Variants in USP25 observed in about 807,000 individuals in gnomAD.
USP25 encodes ubiquitin specific peptidase 25, also known as ubiquitin carboxyl-terminal hydrolase 25.
A neutral mutation model predicts 158.5 loss-of-function variants in USP25; 85 were observed. That is an observed-to-expected ratio of 0.54 (90% confidence interval 0.45 to 0.64). USP25 has a LOEUF of 0.64. USP25 is among the 30% of genes least tolerant of loss of function. USP25 has a pLI of 0.00. For missense variants in USP25, 1,242 were observed against 1,327.3 expected (o/e 0.94, Z 1.00); for synonymous variants, 464 against 460.4 (o/e 1.01, Z -0.10).
intron 4 of USP25, among the ~76,000 whole-genome samples, chr21:15,788,377 T>C (rs1356189327): frequency 6.6e-6 from 1 of 151,968 alleles, no homozygotes; most frequent in Non-Finnish European, 1.5e-5. Flanking sequence ...GAGCTAGAGA[T>C]TGGCTTTTGC....
At chr21:15,757,103 G>A (rs1047088035) in intron 1 of USP25, among the ~76,000 whole-genome samples, 1 of 152,046 alleles carries the variant, frequency 6.6e-6, no homozygotes, top group South Asian at 2.1e-4. Context: ...CAACAGAAAT[G>A]GCAACAAAAC....
At chr21:15,831,964 A>AAGGTGG (rs2037826225) in intron 16 of USP25, among the ~76,000 whole-genome samples, 2 of 152,072 alleles carry the variant, frequency 1.3e-5, no homozygotes, top group Non-Finnish European at 2.9e-5. Context: ...TTATCTCCCC[A>AAGGTGG]CCTTCATTGA....
chr21:15,734,868 C>T (rs1273181740), intron 1 of USP25, among the ~76,000 whole-genome samples: 6 of 152,100 alleles, frequency 3.9e-5, no homozygotes, highest in African/African-American at 1.4e-4. Context: ...TTTGTACATA[C>T]GATATATGAA....
At chr21:15,748,530 T>C (rs1378738907) in intron 1 of USP25, among the ~76,000 whole-genome samples, 2 of 146,220 alleles carry the variant, frequency 1.4e-5, no homozygotes, top group Non-Finnish European at 3.0e-5. Flanking sequence ...GAATTCCTGG[T>C]GTTAAGCAAA....
At chr21:15,812,111 TTA>T (rs1317646147) in intron 9 of USP25, among the ~76,000 whole-genome samples, 1 of 150,766 alleles carries the variant, frequency 6.6e-6, no homozygotes. Context: ...ATAAGTTGTT[TTA>T]TATATATATG....
At chr21:15,733,318 A>G (rs762909162) in intron 1 of USP25, among the ~76,000 whole-genome samples, 1 of 152,162 alleles carries the variant, frequency 6.6e-6, no homozygotes, top group Non-Finnish European at 1.5e-5. Context: ...TCTAGGGCTT[A>G]GAACAGTTCT....
At chr21:15,870,908 T>C (rs1045376668) in intron 23 of USP25, among the ~76,000 whole-genome samples, 2 of 152,230 alleles carry the variant, frequency 1.3e-5, no homozygotes, top group Non-Finnish European at 2.9e-5. Flanking sequence ...AGCTATGCTG[T>C]CCAACATAGC....
chr21:15,791,352 A>G lies in USP25; in HGVS notation c.393-150A>G, dbSNP rs969545945. ...CTATGTATTAGCATTGACACTGCTA[A>G]AACGTGTATTTGAGTAAAGTTAGTA... On this transcript the variant is annotated intron_variant, in intron 4 of 25. Transcript: ENST00000400183. 4 of 868,234 alleles carry G rather than the reference A, an allele frequency of 4.6e-6. No homozygotes were observed. The African/African-American group carries it at 7.0e-5, about 15-fold the overall frequency. 53.8% of individuals were successfully genotyped at this position (868,234 alleles called of 1,614,324 possible).
intron 20 of USP25, among the ~76,000 whole-genome samples, chr21:15,853,159 T>A (rs2038965631): frequency 1.3e-5 from 2 of 152,176 alleles, no homozygotes; most frequent in African/African-American, 2.4e-5. Context: ...AGACTTAAAA[T>A]TTTTTTAATG....
intron 22 of USP25, among the ~76,000 whole-genome samples, chr21:15,869,627 T>A (rs1328406557): frequency 6.6e-6 from 1 of 152,194 alleles, no homozygotes; most frequent in Non-Finnish European, 1.5e-5. Flanking sequence ...GTTAAATAAA[T>A]CTAACTTTTT....
intron 15 of USP25, 48 bp from the exon 16 acceptor site, chr21:15,831,353 T>C (rs369242340): frequency 1.0e-4 from 159 of 1,550,482 alleles, no homozygotes; most frequent in Non-Finnish European, 1.1e-4. Flanking sequence ...ATGTGGTATA[T>C]AGTAAACTAC....
intron 1 of USP25, among the ~76,000 whole-genome samples, chr21:15,737,654 C>T (rs1042736470): frequency 7.2e-5 from 11 of 151,758 alleles, no homozygotes; most frequent in Admixed American, 1.3e-4. Flanking sequence ...AGAAGGTAGT[C>T]GTCTGTATTT....
At chr21:15,737,396 A>G (rs796795140) in intron 1 of USP25, among the ~76,000 whole-genome samples, 4 of 152,202 alleles carry the variant, frequency 2.6e-5, no homozygotes, top group African/African-American at 9.6e-5. Flanking sequence ...ATTTTCATTT[A>G]TTTGTTAAAT....
intron 9 of USP25, among the ~76,000 whole-genome samples, chr21:15,812,101 A>G (rs1355910110): frequency 6.6e-6 from 1 of 151,178 alleles, no homozygotes; most frequent in Non-Finnish European, 1.5e-5. Context: ...CAACTTATAT[A>G]TAAGTTGTTT....
intron 1 of USP25, among the ~76,000 whole-genome samples, chr21:15,760,717 A>G (rs1236574165): frequency 6.6e-6 from 1 of 152,228 alleles, no homozygotes; most frequent in African/African-American, 2.4e-5. Flanking sequence ...GAAATTTCAA[A>G]TTTAAAGTTG....
chr21:15,764,046 T>C (rs2123413427), intron 2 of USP25, among the ~76,000 whole-genome samples: 1 of 152,268 alleles, frequency 6.6e-6, no homozygotes, highest in Admixed American at 6.5e-5. Flanking sequence ...TGCTTCACCT[T>C]ATTCCCCCAT....
At chr21:15,856,397 G>C (rs1376787271) in intron 20 of USP25, among the ~76,000 whole-genome samples, 1 of 152,294 alleles carries the variant, frequency 6.6e-6, no homozygotes, top group East Asian at 1.9e-4. Flanking sequence ...TAGAGAGATA[G>C]ATGAGACTGG....
chr21:15,850,076 G>T (rs942659996), intron 20 of USP25, among the ~76,000 whole-genome samples: 2 of 151,762 alleles, frequency 1.3e-5, no homozygotes, highest in Non-Finnish European at 2.9e-5. Context: ...GGTAATTCAA[G>T]AAAAAAATCT....
chr21:15,771,812 C>T (rs967252850), intron 3 of USP25, among the ~76,000 whole-genome samples: 2 of 151,990 alleles, frequency 1.3e-5, no homozygotes, highest in South Asian at 2.1e-4. Context: ...CTTATTGCAA[C>T]GCTTCTCAAA....
Sources: allele counts gnomAD v4.1 joint callset (sites outside exome capture counted in the v4.1 genomes callset), GRCh38; gene constraint gnomAD v4.1.1; transcripts MANE v1.5; gene names NCBI Gene and HGNC (gene_info 2026-07-23, HGNC 2026-07-21).